DCAF1: variants seen among roughly 807,000 people sequenced by gnomAD.
DCAF1 encodes DDB1 and CUL4 associated factor 1, also known as DDB1- and CUL4-associated factor 1.
A neutral mutation model predicts 128.0 loss-of-function variants in DCAF1; 15 were observed. That is an observed-to-expected ratio of 0.12 (90% CI 0.08 to 0.18). DCAF1 has a LOEUF of 0.18. DCAF1 is among the 10% of genes least tolerant of loss of function. The probability of loss-of-function intolerance (pLI) is 1.00; values close to 1 mark genes in which losing one functional copy is unlikely to be tolerated. For missense variants in DCAF1, 988 were observed against 1,649.5 expected (o/e 0.60, Z 6.95); for synonymous variants, 610 against 603.0 (o/e 1.01, Z -0.17).
intron 2 of DCAF1, among the ~76,000 whole-genome samples, chr3:51,496,292 T>C (rs1333349433): frequency 6.6e-6 from 1 of 152,040 alleles, no homozygotes; most frequent in Non-Finnish European, 1.5e-5. Flanking sequence ...CCAGGCATGG[T>C]GGCACACGCC....
intron 2 of DCAF1, among the ~76,000 whole-genome samples, chr3:51,487,230 A>C (rs912216601): frequency 6.6e-6 from 1 of 152,156 alleles, no homozygotes; most frequent in Non-Finnish European, 1.5e-5. Flanking sequence ...TCAGCTTCCT[A>C]AAGTGCTGGG....
chr3:51,444,519 T>G (rs1701657948), intron 6 of DCAF1, among the ~76,000 whole-genome samples: 1 of 151,974 alleles, frequency 6.6e-6, no homozygotes. Flanking sequence ...GCCAGCTAAT[T>G]TTTGTATTTT....
At chr3:51,431,289 G>A (rs528821081) in intron 10 of DCAF1, among the ~76,000 whole-genome samples, 73 of 151,880 alleles carry the variant, frequency 4.8e-4, no homozygotes, top group Admixed American at 5.9e-4. Context: ...AGGCTGAGGC[G>A]GGTGGATCAC....
chr3:51,488,065 A>G (rs1316530655), intron 2 of DCAF1, among the ~76,000 whole-genome samples: 4 of 151,774 alleles, frequency 2.6e-5, no homozygotes, highest in South Asian at 2.1e-4. Flanking sequence ...GGGTTTCACC[A>G]TGTTGGCCAG....
intron 3 of DCAF1, among the ~76,000 whole-genome samples, chr3:51,479,765 C>G (rs1244883110): frequency 1.3e-5 from 2 of 152,054 alleles, no homozygotes; most frequent in Non-Finnish European, 2.9e-5. Context: ...CACTGCACTC[C>G]AGCCCAGGCA....
At chr3:51,412,305 C>T in intron 23 of DCAF1, 74 bp downstream of exon 23, 1 of 1,597,200 alleles carries the variant, frequency 6.3e-7, no homozygotes, top group East Asian at 2.2e-5. Context: ...CCTTTAAAAC[C>T]TCCTACAGCA....
At chr3:51,492,452 G>A (rs533282083) in intron 2 of DCAF1, among the ~76,000 whole-genome samples, 1 of 151,922 alleles carries the variant, frequency 6.6e-6, no homozygotes, top group African/African-American at 2.4e-5. Flanking sequence ...GGGGACGGAG[G>A]TTGCAGTCAG....
intron 6 of DCAF1, among the ~76,000 whole-genome samples, chr3:51,453,472 T>A (rs1475858215): frequency 4.7e-5 from 7 of 149,594 alleles, no homozygotes; most frequent in Non-Finnish European, 7.4e-5. Context: ...TACAAAAAAA[T>A]TTTTAAAAAA....
chr3:51,452,360 A>G (rs1375984014), intron 6 of DCAF1, among the ~76,000 whole-genome samples: 1 of 152,232 alleles, frequency 6.6e-6, no homozygotes, highest in African/African-American at 2.4e-5. Flanking sequence ...AAATATTTTA[A>G]GAAATATTGA....
the DCAF1 span, among the ~76,000 whole-genome samples, chr3:51,505,560 GTC>G: frequency 6.6e-6 from 1 of 152,230 alleles, no homozygotes; most frequent in African/African-American, 2.4e-5. Flanking sequence ...AGGTGGCGAT[GTC>G]TCTGTGTGAA....
At chr3:51,439,812 T>C (rs1293314499) in intron 9 of DCAF1, among the ~76,000 whole-genome samples, 1 of 151,572 alleles carries the variant, frequency 6.6e-6, no homozygotes, top group Non-Finnish European at 1.5e-5. Context: ...GCCAACATGG[T>C]GAAACCCTAT....
In DCAF1 at chr3:51,412,382, G is replaced by T. The variant is rs782776711; in HGVS notation, c.4209C>A (p.Asp1403Glu). ...RLAEDEDEEEDQEEEEQEEED... is the reference protein window; with the variant it reads ...RLAEDEDEEEEQEEEEQEEED... ...AGAAATCTCAAAGACCACTGACCTG[G>T]TCCTCCTCTTCATCCTCATCCTCTG... is the stretch of plus-strand genomic sequence containing the variant. The change falls in exon 23 of 25, where the codon GAC becomes GAA. Residue 1403 changes from aspartate (D) to glutamate (E), a missense_variant. Around this residue, in one of 11 missense-constraint regions of DCAF1, gnomAD observed 97 missense variants for 134.5 expected, o/e 0.72. Coordinates refer to ENST00000684031, the MANE Select transcript of DCAF1 (RefSeq NM_001387579.1). 3.7e-6 allele frequency: 6 copies of T among 1,613,688 alleles called. No homozygotes were observed. The highest frequency in any genetic ancestry group is 4.2e-6 in the Non-Finnish European group (5 of 1,179,864).
At chr3:51,492,751 T>C (rs1411641746) in intron 2 of DCAF1, among the ~76,000 whole-genome samples, 2 of 151,912 alleles carry the variant, frequency 1.3e-5, no homozygotes, top group Non-Finnish European at 2.9e-5. Context: ...TCTCAGCACT[T>C]TGGGAGGCCG....
In DCAF1 at chr3:51,412,445, T is replaced by C. The variant is rs1698516349; in HGVS notation, c.4146A>G (p.Thr1382=). The C allele has an allele frequency of 6.2e-7, 1 of 1,613,994 alleles. No individual in the cohort carries two copies. The highest frequency in any genetic ancestry group is 8.5e-7 in the Non-Finnish European group (1 of 1,179,870). ...TGCCCACTTCATACAGCCTGCATAC[T>C]GTGTCCATGTTCAGGGCATCCATGC... The part of the protein sequence containing the change: ...QGSMDALNMD[T]VCRLYEVGRQ... The change falls in exon 23 of 25, where the codon ACA becomes ACG. Residue 1382 remains threonine, a synonymous_variant. Coordinates refer to ENST00000684031, the MANE Select transcript of DCAF1 (RefSeq NM_001387579.1).
chr3:51,463,292 A>G (rs1455685274), intron 5 of DCAF1, 65 bp from the exon 6 acceptor site: 4 of 996,016 alleles, frequency 4.0e-6, no homozygotes, highest in Admixed American at 3.0e-5. Context: ...AGGACATCTA[A>G]TAAAACCTCA....
Position 51,420,527 on chromosome 3 carries a change from G to T in DCAF1, c.2443C>A (p.Arg815=). The change falls in exon 15 of 25, where the codon CGG becomes AGG. Residue 815 remains arginine (R), a synonymous_variant. Transcript: ENST00000684031. The surrounding 1 kb of genome is among the most constrained non-coding windows in gnomAD (Gnocchi z 6.5). ...FCKYAAELIE[R]VSGKPLLIGT... ...ATGAGAAGTGGTTTTCCTGACACCC[G>T]TTCAATGAGTTCAGCAGCATACTTG... is the stretch of plus-strand genomic sequence containing the variant. 1 of 1,613,862 alleles carries T rather than the reference G, an allele frequency of 6.2e-7. No homozygotes were observed. Among genetic ancestry groups the T allele is most frequent in the Non-Finnish European group, 8.5e-7 (1 of 1,179,884 alleles).
intron 6 of DCAF1, among the ~76,000 whole-genome samples, chr3:51,452,730 G>T (rs1402776377): frequency 6.6e-6 from 1 of 152,116 alleles, no homozygotes; most frequent in Non-Finnish European, 1.5e-5. Context: ...ATCTGTTATC[G>T]GCTGGGTGCA....
At chr3:51,409,907 C>T (rs1206229474) in intron 23 of DCAF1, among the ~76,000 whole-genome samples, 1 of 152,172 alleles carries the variant, frequency 6.6e-6, no homozygotes, top group African/African-American at 2.4e-5. Context: ...CAAGCTGTAA[C>T]AGCACAGCAC....
rs1698729450 is a variant in DCAF1, at chr3:51,414,763, G to A, written c.3698C>T (p.Thr1233Ile). The A allele has an allele frequency of 6.2e-7, 1 of 1,614,040 alleles. No individual in the cohort carries two copies. Among genetic ancestry groups the A allele is most frequent in the Non-Finnish European group, 8.5e-7 (1 of 1,179,904 alleles). ...YKRNCATFNP[T>I]DDLVLNDGVL... Reference sequence around the variant, plus strand: ...GCCATCATTTAAGACAAGATCATCTGTAGGATTAAAGGTGGCACAGTTCCT... The same window carrying A: ...GCCATCATTTAAGACAAGATCATCTATAGGATTAAAGGTGGCACAGTTCCT... The change falls in exon 19 of 25, where the codon ACA becomes ATA. Residue 1233 changes from threonine to isoleucine, a missense_variant. Thr to Ile is a moderately conservative substitution (Grantham distance 89, BLOSUM62 -1). Coordinates refer to ENST00000684031, the MANE Select transcript of DCAF1 (RefSeq NM_001387579.1).
Sources: allele counts gnomAD v4.1 joint callset (sites outside exome capture counted in the v4.1 genomes callset), GRCh38; gene constraint gnomAD v4.1.1; regional missense constraint gnomAD v4.1.1; non-coding constraint Gnocchi (gnomAD v3.1); transcripts MANE v1.5; gene names NCBI Gene and HGNC (gene_info 2026-07-23, HGNC 2026-07-21).